Variants in VPS13B observed in about 807,000 individuals in gnomAD.
VPS13B encodes the protein intermembrane lipid transfer protein VPS13B.
In VPS13B, 285 loss-of-function variants were observed where a neutral mutation model predicts 426.4. That is an observed-to-expected ratio of 0.67 (90% CI 0.61 to 0.74). VPS13B has a LOEUF of 0.74. VPS13B is among the 30% of genes least tolerant of loss of function. The probability of loss-of-function intolerance (pLI) is 0.00; values close to 1 mark genes in which losing one functional copy is unlikely to be tolerated. For synonymous variants in VPS13B, 1,676 were observed against 1,676.4 expected (o/e 1.00, Z 0.01); for missense variants, 4,537 against 4,782.6 (o/e 0.95, Z 1.51).
intron 25 of VPS13B, among the ~76,000 whole-genome samples, chr8:99,489,635 A>G (rs943564130): frequency 6.6e-5 from 10 of 152,080 alleles, no homozygotes; most frequent in African/African-American, 2.4e-4. Context: ...TGTAAGTTGA[A>G]TTCCTAGGTA....
At chr8:99,153,983 A>C (rs962001419) in intron 14 of VPS13B, among the ~76,000 whole-genome samples, 15 of 151,398 alleles carry the variant, frequency 9.9e-5, no homozygotes, top group Admixed American at 5.3e-4. Flanking sequence ...TTTTCCTCTT[A>C]AAATACTTTG....
intron 15 of VPS13B, among the ~76,000 whole-genome samples, chr8:99,164,046 G>A (rs963069805): frequency 1.3e-5 from 2 of 152,294 alleles, no homozygotes; most frequent in Non-Finnish European, 2.9e-5. Flanking sequence ...GGATAGGGGC[G>A]AAGAAGGGGC....
At chr8:99,696,425 G>T in intron 35 of VPS13B, 1 of 355,440 alleles carries the variant, frequency 2.8e-6, no homozygotes, top group South Asian at 2.4e-5. Flanking sequence ...ATCCTTGACA[G>T]CCACACCCTG....
intron 3 of VPS13B, among the ~76,000 whole-genome samples, chr8:99,089,243 G>C (rs1846013108): frequency 6.6e-6 from 1 of 151,540 alleles, no homozygotes; most frequent in Admixed American, 6.6e-5. Context: ...AATGTCTTTA[G>C]CAGTATGTGA....
At chr8:99,024,349 TATAAA>T (rs1842040749) in intron 2 of VPS13B, among the ~76,000 whole-genome samples, 1 of 152,382 alleles carries the variant, frequency 6.6e-6, no homozygotes, top group Middle Eastern at 3.4e-3. Flanking sequence ...ATTAACCTCT[TATAAA>T]ATACAATAAA....
chr8:99,806,328 T>G (rs1813398914), intron 43 of VPS13B, among the ~76,000 whole-genome samples: 1 of 152,162 alleles, frequency 6.6e-6, no homozygotes. Flanking sequence ...TCTCACATTG[T>G]CTTTTTGGCA....
intron 21 of VPS13B, among the ~76,000 whole-genome samples, chr8:99,407,353 C>T (rs1815388101): frequency 6.6e-6 from 1 of 152,074 alleles, no homozygotes; most frequent in African/African-American, 2.4e-5. Context: ...ATGATAATAG[C>T]TTCTTTTTCA....
Position 99,442,571 on chromosome 8 carries a change from G to A in VPS13B, c.3381G>A (p.Gly1127=), listed in dbSNP as rs753370533. The A allele has an allele frequency of 2.5e-6, 4 of 1,613,910 alleles. No homozygotes were observed. The highest frequency in any genetic ancestry group is 3.3e-5 in the Admixed American group (2 of 60,000). ...CLPQIKIISA[G]HKYMEPLQEI... ...CTCAAATAAAGATTATTAGTGCTGG[G>A]CACAAGTATATGGAACCTCTGCAGG... The change falls in exon 23 of 62, where the codon GGG becomes GGA. Residue 1127 remains glycine (G), a synonymous_variant. Coordinates refer to ENST00000357162, the MANE Select transcript of VPS13B (RefSeq NM_152564.5).
At chr8:99,776,649 T>G in intron 40 of VPS13B, 126 bp from the exon 41 acceptor site, 1 of 914,772 alleles carries the variant, frequency 1.1e-6, no homozygotes, top group Non-Finnish European at 1.7e-6. Flanking sequence ...ATACAGAAGA[T>G]TTGATAAAAT....
chr8:99,028,885 C>T (rs1842325787), intron 2 of VPS13B, among the ~76,000 whole-genome samples: 1 of 27,856 alleles, frequency 3.6e-5, no homozygotes, highest in East Asian at 1.2e-3. Context: ...CTGACCCCCC[C>T]CACCTCCCTC....
intron 12 of VPS13B, among the ~76,000 whole-genome samples, chr8:99,138,195 C>T (rs934438092): frequency 6.6e-6 from 1 of 152,150 alleles, no homozygotes; most frequent in East Asian, 1.9e-4. Context: ...GTCATGATCT[C>T]GGCTCACTGC....
At chr8:99,110,981 T>C in intron 5 of VPS13B, 117 bp from the exon 6 acceptor site, 1 of 759,860 alleles carries the variant, frequency 1.3e-6, no homozygotes, top group Non-Finnish European at 2.0e-6. Flanking sequence ...TATTAAATGC[T>C]CCATGAATCT....
At chr8:99,230,523 T>C (rs970582463) in intron 17 of VPS13B, among the ~76,000 whole-genome samples, 2 of 152,258 alleles carry the variant, frequency 1.3e-5, no homozygotes, top group African/African-American at 4.8e-5. Context: ...AGATTTATAA[T>C]TGTTTATGAA....
At chr8:99,442,264 C>T in intron 22 of VPS13B, 137 bp from the exon 23 acceptor site, 1 of 725,628 alleles carries the variant, frequency 1.4e-6, no homozygotes, top group Non-Finnish European at 2.3e-6. Context: ...TTAAAATATT[C>T]ATTAGTGAAA....
intron 33 of VPS13B, among the ~76,000 whole-genome samples, chr8:99,581,602 C>T (rs1362078438): frequency 6.6e-6 from 1 of 152,064 alleles, no homozygotes; most frequent in African/African-American, 2.4e-5. Flanking sequence ...TTTAAATGAA[C>T]CTTATTTCTC....
chr8:99,403,393 A>G (rs146885793), intron 21 of VPS13B, among the ~76,000 whole-genome samples: 19 of 152,254 alleles, frequency 1.2e-4, no homozygotes, highest in African/African-American at 3.1e-4. Flanking sequence ...TACTAAAAAT[A>G]CAAAAATTAG....
In VPS13B at chr8:99,336,161, C is replaced by T. The variant is rs572853729; in HGVS notation, c.2825-48047C>T. On this transcript the variant is annotated intron_variant, in intron 19 of 61. Transcript: ENST00000357162. ...AAACAGCAAGGTACTGGTACCAAAA[C>T]AGAGATATAGATCAATGGAACAGAA... is the stretch of plus-strand genomic sequence containing the variant. 2.0e-4 allele frequency among the ~76,000 whole-genome samples: 30 copies of T among 152,224 alleles called. No individual in the cohort carries two copies. The East Asian group carries it at 3.5e-3, about 18-fold the overall frequency.
At chr8:99,707,890 C>A (rs1832552824) in intron 36 of VPS13B, among the ~76,000 whole-genome samples, 1 of 152,140 alleles carries the variant, frequency 6.6e-6, no homozygotes. Flanking sequence ...CTTTCAAAAC[C>A]TGGATTATGT....
chr8:99,347,269 CCTT>C (rs1476103072), intron 19 of VPS13B: 2 of 151,856 alleles, frequency 1.3e-5, no homozygotes, highest in African/African-American at 4.9e-5. Context: ...GGCCATCCCT[CCTT>C]CTCCACCACA....
Sources: allele counts gnomAD v4.1 joint callset (sites outside exome capture counted in the v4.1 genomes callset), GRCh38; gene constraint gnomAD v4.1.1; transcripts MANE v1.5; gene names NCBI Gene and HGNC (gene_info 2026-07-23, HGNC 2026-07-21).